ZRANB3: variants seen among roughly 807,000 people sequenced by gnomAD.
The protein encoded by ZRANB3 is DNA annealing helicase and endonuclease ZRANB3.
A neutral mutation model predicts 133.8 loss-of-function variants in ZRANB3; 125 were observed. The ratio of observed to expected loss-of-function variants is 0.93; its 90% CI spans 0.81 to 1.08. The LOEUF (loss-of-function observed/expected upper bound fraction) is 1.08, where lower values mean the gene tolerates loss of function less well. ZRANB3 is among the 50% of genes least tolerant of loss of function. The pLI, the probability that ZRANB3 is intolerant of heterozygous loss-of-function variation, is 0.00. For missense variants in ZRANB3, 1,229 were observed against 1,275.5 expected (o/e 0.96, Z 0.56); for synonymous variants, 387 against 432.7 (o/e 0.89, Z 1.31).
At chr2:135,341,774 C>T (rs534968921) in intron 6 of ZRANB3, among the ~76,000 whole-genome samples, 1 of 150,172 alleles carries the variant, frequency 6.7e-6, no homozygotes, top group African/African-American at 2.5e-5. Context: ...GGAGTGTCTG[C>T]CTTATGCAGT....
intron 6 of ZRANB3, among the ~76,000 whole-genome samples, chr2:135,329,897 T>C (rs1684048624): frequency 6.6e-6 from 1 of 152,226 alleles, no homozygotes; most frequent in Non-Finnish European, 1.5e-5. Context: ...TTTTTGCACA[T>C]TGATTTTATA....
At chr2:135,321,272 A>G (rs1000397485) in intron 6 of ZRANB3, among the ~76,000 whole-genome samples, 2 of 152,210 alleles carry the variant, frequency 1.3e-5, no homozygotes, top group African/African-American at 2.4e-5. Context: ...TTCCCAGCAG[A>G]AAGTTCCAGT....
intron 2 of ZRANB3, among the ~76,000 whole-genome samples, chr2:135,484,249 A>AT (rs1232865311): frequency 6.6e-6 from 1 of 152,208 alleles, no homozygotes; most frequent in Non-Finnish European, 1.5e-5. Flanking sequence ...AAAAAATAAA[A>AT]TTCACTTTAT....
chr2:135,261,723 G>T lies in ZRANB3; in HGVS notation c.1539+3811C>A, dbSNP rs182821973. ...TTTCAAATTCTTAATATCTAGCTTA[G>T]AAATGAACTTGTAAACACAGTTTGA... On this transcript the variant is annotated intron_variant, in intron 12 of 20. Transcript: ENST00000264159. Among the ~76,000 whole-genome samples, 464 of 152,210 alleles carry T rather than the reference G, an allele frequency of 3.0e-3. 2 individuals are homozygous for T. The highest frequency in any genetic ancestry group is 6.8e-3 in the Middle Eastern group (2 of 294).
At chr2:135,306,624 T>C (rs1339051518) in intron 8 of ZRANB3, among the ~76,000 whole-genome samples, 1 of 147,384 alleles carries the variant, frequency 6.8e-6, no homozygotes, top group Non-Finnish European at 1.5e-5. Flanking sequence ...AGTCTCACTC[T>C]GTCGCCCAGG....
At chr2:135,443,957 A>G (rs1359835387) in intron 2 of ZRANB3, among the ~76,000 whole-genome samples, 2 of 152,184 alleles carry the variant, frequency 1.3e-5, no homozygotes, top group Non-Finnish European at 2.9e-5. Context: ...CCCAATTAAA[A>G]CTTAGGTAAA....
chr2:135,294,637 A>G (rs1047951777), intron 8 of ZRANB3, among the ~76,000 whole-genome samples: 17 of 152,064 alleles, frequency 1.1e-4, no homozygotes, highest in Non-Finnish European at 2.1e-4. Flanking sequence ...GCCTTCTGCT[A>G]GCTTTTGAAT....
intron 17 of ZRANB3, among the ~76,000 whole-genome samples, chr2:135,210,952 C>G (rs1023935175): frequency 6.6e-6 from 1 of 151,976 alleles, no homozygotes; most frequent in Non-Finnish European, 1.5e-5. Flanking sequence ...CCGCTTGAAC[C>G]AGGAAGATGG....
intron 1 of ZRANB3, among the ~76,000 whole-genome samples, chr2:135,529,591 C>T (rs1342419715): frequency 1.3e-5 from 2 of 152,020 alleles, no homozygotes; most frequent in Non-Finnish European, 2.9e-5. Flanking sequence ...TAACCACTTC[C>T]GAAGTTGAAG....
chr2:135,380,634 T>C (rs572080950), intron 3 of ZRANB3, among the ~76,000 whole-genome samples: 1 of 152,280 alleles, frequency 6.6e-6, no homozygotes, highest in East Asian at 1.9e-4. Flanking sequence ...AGACACAACG[T>C]ACCAGAATCT....
chr2:135,314,871 T>C (rs929468621), intron 7 of ZRANB3, among the ~76,000 whole-genome samples: 6 of 151,910 alleles, frequency 3.9e-5, no homozygotes, highest in Non-Finnish European at 8.8e-5. Context: ...TGCCTCAGCC[T>C]CCCGAGTAGC....
intron 1 of ZRANB3, chr2:135,511,604 G>C: frequency 1.2e-6 from 1 of 818,540 alleles, no homozygotes; most frequent in East Asian, 2.4e-5. Flanking sequence ...TCAGGAGCAA[G>C]TACGAACATC....
rs115248014 is a variant in ZRANB3, at chr2:135,446,586, A to G, written c.162-55766T>C. ...TTAGAAGTACGGGCATACAGGAACAAGCTTGATGAAAAGTCGGATTTAACC... is the reference window on the plus strand; with the variant it reads ...TTAGAAGTACGGGCATACAGGAACAGGCTTGATGAAAAGTCGGATTTAACC... On this transcript the variant is annotated intron_variant, in intron 2 of 20. Coordinates refer to ENST00000264159, the MANE Select transcript of ZRANB3 (RefSeq NM_032143.4). Among the ~76,000 whole-genome samples the G allele has an allele frequency of 6.5e-3, 991 of 152,354 alleles. 4 individuals are homozygous for G. The highest frequency in any genetic ancestry group is 0.023 in the South Asian group (109 of 4,824).
intron 2 of ZRANB3, among the ~76,000 whole-genome samples, chr2:135,489,429 G>C (rs913025438): frequency 2.6e-5 from 4 of 151,438 alleles, no homozygotes; most frequent in Non-Finnish European, 5.9e-5. Flanking sequence ...TGCACATTGT[G>C]CACATGTACC....
At chr2:135,465,448 T>C (rs1690943952) in intron 2 of ZRANB3, among the ~76,000 whole-genome samples, 1 of 152,354 alleles carries the variant, frequency 6.6e-6, no homozygotes, top group South Asian at 2.1e-4. Flanking sequence ...GTCATTATCT[T>C]ACCCATTGGT....
Position 135,504,420 on chromosome 2 carries a change from T to G in ZRANB3, c.70A>C (p.Asn24His). ...CTGTCAGGCAAAAAATCCAGCAGAT[T>G]ATCAGATTCATTTGTCACACAAGAA... is the stretch of plus-strand genomic sequence containing the variant. ...HISCVTNESD[N>H]LLDFLPDRLR... Residue 24 changes from asparagine to histidine, a missense_variant, in exon 2 of 21, where the codon AAT (asparagine) becomes CAT (histidine). Coordinates refer to ENST00000264159, the MANE Select transcript of ZRANB3 (RefSeq NM_032143.4). 1 of 1,613,704 alleles carries G rather than the reference T, an allele frequency of 6.2e-7. No individual in the cohort carries two copies. Among genetic ancestry groups the G allele is most frequent in the African/African-American group, 1.3e-5 (1 of 75,026 alleles).
Position 135,230,852 on chromosome 2 carries a change from A to C in ZRANB3, c.1615T>G (p.Cys539Gly). 1 of 1,609,968 alleles carries C rather than the reference A, an allele frequency of 6.2e-7. No individual in the cohort carries two copies. Among genetic ancestry groups the C allele is most frequent in the South Asian group, 1.1e-5 (1 of 89,826 alleles). Residue 539 changes from cysteine (C) to glycine (G), a missense_variant, in exon 13 of 21, where the codon TGT (cysteine) becomes GGT (glycine). Coordinates refer to ENST00000264159, the MANE Select transcript of ZRANB3 (RefSeq NM_032143.4). ...QPKKRQLMTSCDESKRFREEN... is the reference protein window; with the variant it reads ...QPKKRQLMTSGDESKRFREEN... ...TCCCGGAATCTCTTTGATTCGTCAC[A>C]GGAGGTCATCAACTGTCTTTTTTTA...
At chr2:135,472,955 A>G (rs1691341206) in intron 2 of ZRANB3, among the ~76,000 whole-genome samples, 1 of 152,212 alleles carries the variant, frequency 6.6e-6, no homozygotes, top group African/African-American at 2.4e-5. Context: ...TGAAAATCAA[A>G]TTCACTTTCA....
chr2:135,342,216 A>G (rs1684706248), intron 6 of ZRANB3, among the ~76,000 whole-genome samples: 1 of 149,388 alleles, frequency 6.7e-6, no homozygotes, highest in Non-Finnish European at 1.5e-5. Flanking sequence ...ACCAGCCAAC[A>G]CTTAGGGAAA....
Sources: allele counts gnomAD v4.1 joint callset (sites outside exome capture counted in the v4.1 genomes callset), GRCh38; gene constraint gnomAD v4.1.1; transcripts MANE v1.5; gene names NCBI Gene and HGNC (gene_info 2026-07-23, HGNC 2026-07-21).